ADCY1: variants seen among roughly 807,000 people sequenced by gnomAD.
ADCY1 encodes adenylate cyclase type 1.
In ADCY1, 28 loss-of-function variants were observed where a neutral mutation model predicts 105.4. The observed-to-expected ratio is 0.27, with a 90% CI of 0.20 to 0.36. The LOEUF is 0.36. Ranked by LOEUF, ADCY1 falls within the 10% of genes least tolerant of loss-of-function variation. The pLI is 1.00. For synonymous variants in ADCY1, 655 were observed against 623.8 expected (o/e 1.05, Z -0.75); for missense variants, 977 against 1,434.2 (o/e 0.68, Z 5.15).
At position 45,710,309 on chromosome 7, in the gene ADCY1, A is replaced by G. The variant is rs968863815; in HGVS notation, c.2933-219A>G. ...GTGCAGTGGACAGTGTCGTGAGGAG[A>G]CCCTGCCCAGGGGAGCCCGTGCAGC... is the stretch of plus-strand genomic sequence containing the variant. On this transcript the variant is annotated intron_variant, in intron 18 of 19. Transcript: ENST00000297323. The surrounding 1 kb of genome is among the most constrained non-coding windows in gnomAD (Gnocchi z 4.7). Among the ~76,000 whole-genome samples, 6 of 151,912 alleles carry G rather than the reference A, an allele frequency of 3.9e-5. No homozygotes were observed. The highest frequency in any genetic ancestry group is 1.5e-4 in the African/African-American group (6 of 41,332).
chr7:45,655,847 A>G (rs553819845), intron 5 of ADCY1, among the ~76,000 whole-genome samples: 4 of 152,316 alleles, frequency 2.6e-5, no homozygotes, highest in African/African-American at 7.2e-5. Flanking sequence ...CTAACAGTGC[A>G]CAAAAACGTT....
At position 45,646,713 on chromosome 7, in the gene ADCY1, A is replaced by G. The variant is rs968064521; in HGVS notation, c.1021-1957A>G. Among the ~76,000 whole-genome samples, 11 of 152,318 alleles carry G rather than the reference A, an allele frequency of 7.2e-5. No homozygotes were observed. The South Asian group carries it at 1.9e-3, about 26-fold the overall frequency. ...CACAGGCTCATGTCAGCTGCAGCTC[A>G]GCCTGCTGGGGGATGAGGGCAGGTG... On this transcript the variant is annotated intron_variant, in intron 4 of 19. Coordinates refer to ENST00000297323, the MANE Select transcript of ADCY1 (RefSeq NM_021116.4).
chr7:45,607,908 G>T (rs999851211), intron 2 of ADCY1, among the ~76,000 whole-genome samples: 23 of 152,240 alleles, frequency 1.5e-4, no homozygotes, highest in Non-Finnish European at 3.1e-4. Context: ...ACATACACAT[G>T]TATGTGTCTT....
chr7:45,626,044 A>T (rs1584281473), intron 4 of ADCY1, among the ~76,000 whole-genome samples: 1 of 152,166 alleles, frequency 6.6e-6, no homozygotes, highest in South Asian at 2.1e-4. Flanking sequence ...CTCTGGACCT[A>T]CCAGCCCCTA....
chr7:45,583,947 T>TTTG (rs1792641767), intron 1 of ADCY1, among the ~76,000 whole-genome samples: 1 of 140,174 alleles, frequency 7.1e-6, no homozygotes, highest in Non-Finnish European at 1.5e-5. Context: ...GTTTTTTTTT[T>TTTG]TTTTTTTTTT....
intron 4 of ADCY1, among the ~76,000 whole-genome samples, chr7:45,643,314 A>G (rs1413341019): frequency 6.7e-6 from 1 of 150,160 alleles, no homozygotes; most frequent in Non-Finnish European, 1.5e-5. Context: ...GTTTATATTG[A>G]TATTTCCAAT....
chr7:45,709,299 T>G (rs1384953673), intron 18 of ADCY1, among the ~76,000 whole-genome samples: 2 of 152,078 alleles, frequency 1.3e-5, no homozygotes, highest in Non-Finnish European at 2.9e-5. Context: ...AATCTGATGG[T>G]GGGTCGGGGA....
chr7:45,691,864 G>GTCACTTGTC (rs1259502314), intron 14 of ADCY1, among the ~76,000 whole-genome samples: 2 of 152,164 alleles, frequency 1.3e-5, no homozygotes, highest in Admixed American at 1.3e-4. Context: ...TCTTACTCTG[G>GTCACTTGTC]TCACTTGTCT....
In ADCY1 at chr7:45,622,183, G is replaced by A. The variant is rs1452013414; in HGVS notation, c.909-449G>A. On this transcript the variant is annotated intron_variant, in intron 3 of 19. Coordinates refer to ENST00000297323, the MANE Select transcript of ADCY1 (RefSeq NM_021116.4). ...TTGTGAAGCATTGACACCACACTCA[G>A]GGCCTGGGAGTTTCTTGCATTCAGC... 2.0e-5 allele frequency among the ~76,000 whole-genome samples: 3 copies of A among 152,166 alleles called. No individual in the cohort carries two copies. The East Asian group carries it at 5.8e-4, about 29-fold the overall frequency.
rs1231968692 is a variant in ADCY1 at position 45,662,293 on chromosome 7, T to A, written c.1605+79T>A. 11 of 1,468,914 alleles carry A rather than the reference T, an allele frequency of 7.5e-6. No individual in the cohort carries two copies. The African/African-American group carries it at 1.5e-4, about 20-fold the overall frequency. The allele number at this position is 1,468,914 out of a possible 1,614,324, so 91.0% of individuals were successfully genotyped here. A position where few individuals can be genotyped will look rare whatever the true frequency, so the allele number is the denominator to read the frequency against. On this transcript the variant is annotated intron_variant, in intron 8 of 19. Coordinates refer to ENST00000297323, the MANE Select transcript of ADCY1 (RefSeq NM_021116.4). ...TCCTGCCCTCCCAATATGGCCCCCG[T>A]GCCATTTGGCTAGATCAGAATTCCC...
Position 45,714,103 on chromosome 7 carries a change from C to T in ADCY1, c.*108C>T. The T allele has an allele frequency of 1.6e-6, 1 of 618,600 alleles. No individual in the cohort carries two copies. The highest frequency in any genetic ancestry group is 2.9e-6 in the Non-Finnish European group (1 of 344,902). 38.3% of individuals were successfully genotyped at this position (618,600 alleles called of 1,614,324 possible). A position where few individuals can be genotyped will look rare whatever the true frequency, so the allele number is the denominator to read the frequency against. ...CCAGCCAGACCAGCAGAGCAGGGAG[C>T]CACTTGCCAGGGTGGAGGAGGAGCA... On this transcript the variant is annotated 3_prime_UTR_variant, in exon 20 of 20. Transcript: ENST00000297323.
chr7:45,660,070 G>A lies in ADCY1; in HGVS notation c.1336G>A (p.Ala446Thr), dbSNP rs760552993. 66 of 1,614,090 alleles carry A rather than the reference G, an allele frequency of 4.1e-5. No homozygotes were observed. The highest frequency in any genetic ancestry group is 4.5e-5 in the East Asian group (2 of 44,890). Reference protein sequence around the residue: ...GKVHITKTTLACLNGDYEVEP... With the variant: ...GKVHITKTTLTCLNGDYEVEP... ...GGTTCATATCACAAAGACGACCCTA[G>A]CGTGCTTGAATGGGGACTACGAGGT... The change falls in exon 7 of 20, where the codon GCG becomes ACG. Residue 446 changes from alanine to threonine, a missense_variant. By Grantham distance (58) the Ala-to-Thr change is moderately conservative. Transcript: ENST00000297323.
intron 4 of ADCY1, among the ~76,000 whole-genome samples, chr7:45,646,605 C>G (rs1013107109): frequency 6.6e-6 from 1 of 152,218 alleles, no homozygotes; most frequent in African/African-American, 2.4e-5. Context: ...ACCTGGGAAA[C>G]AGCACTGTGG....
intron 4 of ADCY1, among the ~76,000 whole-genome samples, chr7:45,641,070 C>T (rs2116024671): frequency 6.6e-6 from 1 of 152,226 alleles, no homozygotes; most frequent in South Asian, 2.1e-4. Context: ...TGGATATTTC[C>T]AAAAGGGACT....
At chr7:45,589,401 G>T (rs1242672148) in intron 1 of ADCY1, among the ~76,000 whole-genome samples, 4 of 152,308 alleles carry the variant, frequency 2.6e-5, no homozygotes, top group Middle Eastern at 3.4e-3. Flanking sequence ...CTGTCCCCCA[G>T]GCCCCTGCAG....
chr7:45,665,281 T>G (rs919039308), intron 8 of ADCY1, among the ~76,000 whole-genome samples: 7 of 152,246 alleles, frequency 4.6e-5, no homozygotes, highest in Non-Finnish European at 7.3e-5. Flanking sequence ...CGTTTACTTC[T>G]CTGATGGTTT....
chr7:45,583,187 G>T (rs1316690687), intron 1 of ADCY1, among the ~76,000 whole-genome samples: 1 of 152,256 alleles, frequency 6.6e-6, no homozygotes, highest in Non-Finnish European at 1.5e-5. Context: ...GTGCATGTTT[G>T]TATGTCGGTG....
At chr7:45,711,699 ATATATACATATATGTGTG>A (rs1348253902) in intron 19 of ADCY1, among the ~76,000 whole-genome samples, 43 of 143,664 alleles carry the variant, frequency 3.0e-4, no homozygotes, top group Admixed American at 1.7e-3. Flanking sequence ...ACATATATGT[ATATATACATATATGTGTG>A]TATATACATA....
intron 2 of ADCY1, among the ~76,000 whole-genome samples, chr7:45,598,829 C>G (rs554169789): frequency 6.6e-6 from 1 of 152,202 alleles, no homozygotes; most frequent in Non-Finnish European, 1.5e-5. Context: ...GAGCCTAGGT[C>G]GAGCTGGCTG....
Sources: allele counts gnomAD v4.1 joint callset (sites outside exome capture counted in the v4.1 genomes callset), GRCh38; gene constraint gnomAD v4.1.1; non-coding constraint Gnocchi (gnomAD v3.1); transcripts MANE v1.5; gene names NCBI Gene and HGNC (gene_info 2026-07-23, HGNC 2026-07-21).